SLC4A10: variants seen among roughly 807,000 people sequenced by gnomAD.
SLC4A10 encodes sodium-driven chloride bicarbonate exchanger.
SLC4A10 carries 42 observed loss-of-function variants against 137.7 expected under a neutral mutation model. That is an observed-to-expected ratio of 0.30 (90% confidence interval 0.24 to 0.39). SLC4A10 has a LOEUF of 0.39. SLC4A10 is among the 10% of genes least tolerant of loss of function. The pLI is 1.00. For missense variants in SLC4A10, 925 were observed against 1,355.0 expected (o/e 0.68, Z 4.98); for synonymous variants, 474 against 464.1 (o/e 1.02, Z -0.27).
chr2:161,976,946 G>T (rs1314152560), intron 25 of SLC4A10, 70 bp downstream of exon 25: 3 of 766,368 alleles, frequency 3.9e-6, no homozygotes, highest in East Asian at 5.9e-5. Context: ...ATAAGCAAAA[G>T]AATAATATTA....
intron 2 of SLC4A10, among the ~76,000 whole-genome samples, chr2:161,793,095 C>T (rs374863159): frequency 8.0e-4 from 122 of 152,022 alleles, no homozygotes; most frequent in East Asian, 5.0e-3. Flanking sequence ...TGAATGTTCT[C>T]GTTTATATTT....
Position 161,860,398 on chromosome 2 carries a change from G to T in SLC4A10, c.578-2476G>T, listed in dbSNP as rs886858818. Among the ~76,000 whole-genome samples, 11 of 152,222 alleles carry T rather than the reference G, an allele frequency of 7.2e-5. No individual in the cohort carries two copies. In the East Asian group the frequency reaches 2.1e-3, roughly 29 times the overall value. On this transcript the variant is annotated intron_variant, in intron 5 of 26. Coordinates refer to ENST00000446997, the MANE Select transcript of SLC4A10 (RefSeq NM_001178015.2). ...TAAACATATGTAGGGTTTATTATGTGATTACTTTTGATTCTGACTAGAATA... is the reference window on the plus strand; with the variant it reads ...TAAACATATGTAGGGTTTATTATGTTATTACTTTTGATTCTGACTAGAATA...
intron 1 of SLC4A10, among the ~76,000 whole-genome samples, chr2:161,636,584 G>T (rs550754936): frequency 9.2e-5 from 14 of 152,088 alleles, no homozygotes; most frequent in African/African-American, 3.4e-4. Flanking sequence ...ATTTTGAGTA[G>T]AGATGGGATC....
At chr2:161,923,773 A>G (rs1271654743) in intron 15 of SLC4A10, among the ~76,000 whole-genome samples, 2 of 152,086 alleles carry the variant, frequency 1.3e-5, no homozygotes, top group East Asian at 1.9e-4. Flanking sequence ...ATGTATACAT[A>G]TGTAACAAAC....
In SLC4A10 at chr2:161,705,561, T is replaced by A. The variant is rs73003416; in HGVS notation, c.49-65412T>A. On this transcript the variant is annotated intron_variant, in intron 1 of 26. Transcript: ENST00000446997. ...TCTGAATGTTCTTGCATCTCCAAAG[T>A]TCATATGTTGAAAATGTAATCACCA... Among the ~76,000 whole-genome samples the A allele has an allele frequency of 6.5e-3, 980 of 151,760 alleles. 8 individuals are homozygous for A. The highest frequency in any genetic ancestry group is 0.022 in the African/African-American group (933 of 41,496).
At chr2:161,832,482 G>A (rs2058493130) in intron 3 of SLC4A10, among the ~76,000 whole-genome samples, 1 of 152,146 alleles carries the variant, frequency 6.6e-6, no homozygotes, top group African/African-American at 2.4e-5. Flanking sequence ...CAAACTTGTG[G>A]ACCAAATTGT....
At chr2:161,839,220 G>GTTATA (rs1181674982) in intron 3 of SLC4A10, among the ~76,000 whole-genome samples, 3 of 152,206 alleles carry the variant, frequency 2.0e-5, no homozygotes, top group Non-Finnish European at 4.4e-5. Flanking sequence ...GTCTCAAAAG[G>GTTATA]TTATATGCTG....
intron 1 of SLC4A10, among the ~76,000 whole-genome samples, chr2:161,770,692 T>A (rs777364479): frequency 6.6e-6 from 1 of 150,790 alleles, no homozygotes; most frequent in Admixed American, 6.6e-5. Context: ...AGAATAACTA[T>A]TTTTTTTTGT....
At position 161,936,128 on chromosome 2, in the gene SLC4A10, A is replaced by T. The variant is rs1691540829; in HGVS notation, c.1998-6664A>T. 3.3e-5 allele frequency among the ~76,000 whole-genome samples: 5 copies of T among 152,218 alleles called. No homozygotes were observed. In the South Asian group the frequency reaches 1.0e-3, roughly 32 times the overall value. Reference sequence around the variant, plus strand: ...GTTGAATCATCCTTGCATCTTTGGGATATATCTCACTTGATCATGATGAAT... The same window carrying T: ...GTTGAATCATCCTTGCATCTTTGGGTTATATCTCACTTGATCATGATGAAT... On this transcript the variant is annotated intron_variant, in intron 15 of 26. Transcript: ENST00000446997.
In SLC4A10 at chr2:161,763,360, A is replaced by G. The variant is rs538405652; in HGVS notation, c.49-7613A>G. Among the ~76,000 whole-genome samples the G allele has an allele frequency of 2.6e-5, 4 of 152,268 alleles. No individual in the cohort carries two copies. In the South Asian group the frequency reaches 8.3e-4, roughly 32 times the overall value. ...CATGTGTATAGGTCAGAGTCACAGC[A>G]AGAAACACATGGTCACTCAAAAGGG... On this transcript the variant is annotated intron_variant, in intron 1 of 26. Coordinates refer to ENST00000446997, the MANE Select transcript of SLC4A10 (RefSeq NM_001178015.2).
intron 1 of SLC4A10, among the ~76,000 whole-genome samples, chr2:161,725,771 C>T (rs2046155640): frequency 6.6e-6 from 1 of 152,196 alleles, no homozygotes; most frequent in South Asian, 2.1e-4. Context: ...ATACTGCCAT[C>T]CTTTTGCCAA....
intron 23 of SLC4A10, among the ~76,000 whole-genome samples, chr2:161,966,989 T>G (rs1261074836): frequency 6.6e-6 from 1 of 152,226 alleles, no homozygotes; most frequent in East Asian, 1.9e-4. Context: ...TAATTTAATT[T>G]TGATGAAAAA....
intron 5 of SLC4A10, among the ~76,000 whole-genome samples, 170 bp from the exon 6 acceptor site, chr2:161,862,704 A>T (rs966958647): frequency 2.6e-5 from 4 of 152,244 alleles, no homozygotes; most frequent in African/African-American, 9.6e-5. Flanking sequence ...CTACAATGGA[A>T]GATAAATTTC....
intron 18 of SLC4A10, 35 bp from the exon 19 acceptor site, chr2:161,950,652 A>C: frequency 6.4e-7 from 1 of 1,554,654 alleles, no homozygotes; most frequent in Non-Finnish European, 8.7e-7. Flanking sequence ...TCATTAATCC[A>C]GTTCATAACT....
At chr2:161,954,973 G>T (rs1695396359) in intron 19 of SLC4A10, among the ~76,000 whole-genome samples, 1 of 152,152 alleles carries the variant, frequency 6.6e-6, no homozygotes, top group African/African-American at 2.4e-5. Flanking sequence ...GTGCTAAAAA[G>T]TACAAGCCTG....
intron 20 of SLC4A10, 53 bp from the exon 21 acceptor site, chr2:161,958,434 C>A: frequency 6.7e-7 from 1 of 1,493,022 alleles, no homozygotes; most frequent in Non-Finnish European, 9.3e-7. Context: ...AAATGCAAAA[C>A]CACAATCTAT....
intron 1 of SLC4A10, among the ~76,000 whole-genome samples, chr2:161,710,201 T>A (rs903722198): frequency 3.3e-5 from 5 of 151,754 alleles, no homozygotes; most frequent in Admixed American, 1.3e-4. Context: ...TTAAGCTTGA[T>A]TAATTTTGAA....
At chr2:161,746,679 G>T (rs1318175167) in intron 1 of SLC4A10, among the ~76,000 whole-genome samples, 2 of 152,026 alleles carry the variant, frequency 1.3e-5, no homozygotes, top group Admixed American at 1.3e-4. Context: ...CCACAGCTGG[G>T]AATGTGCTGG....
intron 1 of SLC4A10, among the ~76,000 whole-genome samples, chr2:161,630,298 T>G (rs1169736318): frequency 6.6e-6 from 1 of 151,850 alleles, no homozygotes; most frequent in Non-Finnish European, 1.5e-5. Context: ...TCTTCTTTTC[T>G]TATAATATCT....
Sources: allele counts gnomAD v4.1 joint callset (sites outside exome capture counted in the v4.1 genomes callset), GRCh38; gene constraint gnomAD v4.1.1; transcripts MANE v1.5; gene names NCBI Gene and HGNC (gene_info 2026-07-23, HGNC 2026-07-21).